Variants in SRPK2 observed in about 807,000 individuals in gnomAD.
SRPK2 encodes SRSF protein kinase 2, also known as SFRS protein kinase 2.
Under a neutral mutation model 90.8 loss-of-function variants are expected in SRPK2, and 21 were observed. The ratio of observed to expected loss-of-function variants is 0.23; its 90% CI spans 0.16 to 0.33. The LOEUF (loss-of-function observed/expected upper bound fraction) is 0.33. Ranked by LOEUF, SRPK2 falls within the 10% of genes least tolerant of loss-of-function variation. SRPK2 has a pLI of 1.00. For synonymous variants in SRPK2, 288 were observed against 311.1 expected (o/e 0.93, Z 0.78); for missense variants, 620 against 869.0 (o/e 0.71, Z 3.60).
intron 2 of SRPK2, chr7:105,268,713 T>C (rs1198660863): frequency 4.9e-6 from 7 of 1,417,080 alleles, no homozygotes; most frequent in Middle Eastern, 1.8e-4. Context: ...CAATACGTTA[T>C]ATAGCAAACT....
chr7:105,378,009 T>C (rs1055014618), intron 2 of SRPK2, among the ~76,000 whole-genome samples: 1 of 152,000 alleles, frequency 6.6e-6, no homozygotes, highest in Non-Finnish European at 1.5e-5. Context: ...AAAACCTGAG[T>C]GTGTACCCCT....
At chr7:105,176,415 C>T (rs1185758829) in intron 3 of SRPK2, among the ~76,000 whole-genome samples, 1 of 152,032 alleles carries the variant, frequency 6.6e-6, no homozygotes, top group African/African-American at 2.4e-5. Context: ...TCTGCTCTCC[C>T]CATTTCTAGT....
chr7:105,368,702 G>A (rs1414593589), intron 2 of SRPK2, among the ~76,000 whole-genome samples: 2 of 151,980 alleles, frequency 1.3e-5, no homozygotes, highest in African/African-American at 4.8e-5. Flanking sequence ...CTGCCAACAT[G>A]ATGAAACCCC....
At chr7:105,228,198 A>G (rs1157874407) in intron 2 of SRPK2, among the ~76,000 whole-genome samples, 2 of 152,170 alleles carry the variant, frequency 1.3e-5, no homozygotes, top group Admixed American at 6.5e-5. Flanking sequence ...CCAATCTCCT[A>G]ATTTCATATG....
chr7:105,204,511 A>G, intron 2 of SRPK2: 1 of 375,790 alleles, frequency 2.7e-6, no homozygotes. Flanking sequence ...GGGAAATAGG[A>G]CCCTACAGTC....
chr7:105,123,462 T>TA (rs1362616949), intron 15 of SRPK2, among the ~76,000 whole-genome samples: 3 of 152,226 alleles, frequency 2.0e-5, no homozygotes, highest in African/African-American at 2.4e-5. Context: ...TCAAAAGTGA[T>TA]ACGGCATATC....
chr7:105,161,743 TAA>T (rs961922041), intron 6 of SRPK2, among the ~76,000 whole-genome samples: 3 of 152,168 alleles, frequency 2.0e-5, no homozygotes, highest in Non-Finnish European at 4.4e-5. Flanking sequence ...CATTATAAAA[TAA>T]AAATTTAGTA....
intron 2 of SRPK2, among the ~76,000 whole-genome samples, chr7:105,351,881 AAAC>A (rs1484366056): frequency 7.0e-6 from 1 of 141,970 alleles, no homozygotes; most frequent in Non-Finnish European, 1.5e-5. Flanking sequence ...CTGCAACAGT[AAAC>A]AGACTAAGAC....
intron 2 of SRPK2, among the ~76,000 whole-genome samples, chr7:105,342,349 A>G (rs1307107328): frequency 6.7e-6 from 1 of 149,830 alleles, no homozygotes; most frequent in East Asian, 1.9e-4. Context: ...AATAATATTA[A>G]TAATAATAAT....
chr7:105,388,979 G>GACCCGC (rs1822013100), upstream of SRPK2: 1 of 1,056,574 alleles, frequency 9.5e-7, no homozygotes, highest in Admixed American at 5.9e-5. Flanking sequence ...CCCCCGTCCG[G>GACCCGC]CCCCGCCCCC....
At chr7:105,308,002 A>G (rs928703195) in intron 2 of SRPK2, among the ~76,000 whole-genome samples, 17 of 152,200 alleles carry the variant, frequency 1.1e-4, no homozygotes, top group African/African-American at 4.1e-4. Flanking sequence ...ATGCGAAAGT[A>G]TTTTTGCAAA....
intron 3 of SRPK2, among the ~76,000 whole-genome samples, chr7:105,176,230 T>C (rs920721492): frequency 6.6e-5 from 10 of 152,272 alleles, no homozygotes; most frequent in Admixed American, 3.9e-4. Flanking sequence ...AAAATCTATA[T>C]GATGAGCACA....
chr7:105,202,269 T>C (rs1795661191), intron 3 of SRPK2, among the ~76,000 whole-genome samples: 2 of 152,220 alleles, frequency 1.3e-5, no homozygotes, highest in African/African-American at 2.4e-5. Flanking sequence ...ATACAAATGA[T>C]CTATATCTAC....
intron 2 of SRPK2, among the ~76,000 whole-genome samples, chr7:105,315,576 T>C (rs956041645): frequency 6.6e-6 from 1 of 152,220 alleles, no homozygotes; most frequent in Non-Finnish European, 1.5e-5. Context: ...ATGACTCTCA[T>C]TTCAACCTTT....
At chr7:105,150,527 GA>G (rs1393307001) in intron 7 of SRPK2, among the ~76,000 whole-genome samples, 1 of 151,972 alleles carries the variant, frequency 6.6e-6, no homozygotes, top group Non-Finnish European at 1.5e-5. Flanking sequence ...AAGGAAAAAA[GA>G]AAAAAAGCAA....
intron 2 of SRPK2, among the ~76,000 whole-genome samples, chr7:105,330,733 G>A (rs1475360056): frequency 6.6e-6 from 1 of 152,128 alleles, no homozygotes; most frequent in Non-Finnish European, 1.5e-5. Flanking sequence ...TAATCTAGGT[G>A]CTTTCCGAGG....
At chr7:105,213,787 T>C (rs1486140983) in intron 2 of SRPK2, among the ~76,000 whole-genome samples, 1 of 152,178 alleles carries the variant, frequency 6.6e-6, no homozygotes, top group Non-Finnish European at 1.5e-5. Context: ...TTACTAAGAC[T>C]TATATTGGTG....
chr7:105,127,214 T>C, intron 13 of SRPK2, 152 bp from the exon 14 acceptor site: 1 of 642,784 alleles, frequency 1.6e-6, no homozygotes, highest in Non-Finnish European at 2.7e-6. Flanking sequence ...TTTTTCTTTC[T>C]TCCACATTCA....
At chr7:105,205,757 C>T (rs1020900925) in intron 2 of SRPK2, among the ~76,000 whole-genome samples, 14 of 152,118 alleles carry the variant, frequency 9.2e-5, no homozygotes, top group African/African-American at 3.4e-4. Flanking sequence ...GCCACTTCCC[C>T]AGCGGGAGGA....
Sources: allele counts gnomAD v4.1 joint callset (sites outside exome capture counted in the v4.1 genomes callset), GRCh38; gene constraint gnomAD v4.1.1; transcripts MANE v1.5; gene names NCBI Gene and HGNC (gene_info 2026-07-23, HGNC 2026-07-21).